Variants in EYA1 observed in about 807,000 individuals in gnomAD.
EYA1 encodes EYA transcriptional coactivator and phosphatase 1, also known as protein phosphatase EYA1.
In EYA1, 16 loss-of-function variants were observed where a neutral mutation model predicts 82.0. That is an observed-to-expected ratio of 0.20 (90% confidence interval 0.13 to 0.30). The LOEUF (loss-of-function observed/expected upper bound fraction) is 0.30, where lower values mean the gene tolerates loss of function less well. Among genes scored for constraint, EYA1 ranks in the 10% least tolerant of loss-of-function variants. EYA1 has a pLI of 1.00. For synonymous variants in EYA1, 261 were observed against 264.4 expected (o/e 0.99, Z 0.12); for missense variants, 633 against 730.7 (o/e 0.87, Z 1.54).
intron 2 of EYA1, among the ~76,000 whole-genome samples, chr8:71,415,612 A>T (rs1830811221): frequency 6.6e-6 from 1 of 152,210 alleles, no homozygotes; most frequent in Admixed American, 6.5e-5. Context: ...CAACATATTT[A>T]CATGGAGCCT....
At chr8:71,448,515 T>C (rs190328102) in intron 2 of EYA1, among the ~76,000 whole-genome samples, 6 of 152,304 alleles carry the variant, frequency 3.9e-5, no homozygotes, top group East Asian at 1.9e-4. Context: ...AACTTACCCA[T>C]GGAGGGCTGG....
chr8:71,224,939 G>A (rs143815388), intron 12 of EYA1, among the ~76,000 whole-genome samples: 1 of 152,194 alleles, frequency 6.6e-6, no homozygotes, highest in Non-Finnish European at 1.5e-5. Context: ...AGAGGGAGAG[G>A]AGTAGTCAAG....
At chr8:71,516,544 A>G (rs578018565) in intron 2 of EYA1, among the ~76,000 whole-genome samples, 1 of 152,284 alleles carries the variant, frequency 6.6e-6, no homozygotes, top group African/African-American at 2.4e-5. Context: ...GTTCAAGATG[A>G]TCCTCAGCCA....
chr8:71,495,043 A>C (rs1322580385), intron 2 of EYA1, among the ~76,000 whole-genome samples: 1 of 152,108 alleles, frequency 6.6e-6, no homozygotes, highest in African/African-American at 2.4e-5. Flanking sequence ...ACTCAGGCAA[A>C]CCACCAACTC....
chr8:71,251,362 TG>T (rs1813726273), intron 11 of EYA1, among the ~76,000 whole-genome samples: 1 of 152,220 alleles, frequency 6.6e-6, no homozygotes, highest in Admixed American at 6.5e-5. Flanking sequence ...ATTCTTCTAG[TG>T]GAAGCCTTCT....
At chr8:71,223,735 C>T (rs1291491868) in intron 12 of EYA1, among the ~76,000 whole-genome samples, 1 of 152,230 alleles carries the variant, frequency 6.6e-6, no homozygotes, top group East Asian at 1.9e-4. Context: ...TCTGATCCAT[C>T]ATCATCTCTG....
chr8:71,484,705 C>T (rs1171638128), intron 2 of EYA1, among the ~76,000 whole-genome samples: 2 of 152,210 alleles, frequency 1.3e-5, no homozygotes, highest in Non-Finnish European at 2.9e-5. Flanking sequence ...GCTGGGAAAT[C>T]CTCTCCTAAT....
intron 2 of EYA1, among the ~76,000 whole-genome samples, chr8:71,379,886 C>T (rs1343676034): frequency 6.6e-6 from 1 of 152,178 alleles, no homozygotes; most frequent in African/African-American, 2.4e-5. Flanking sequence ...CAGATGTTGG[C>T]CTAATCAATA....
intron 12 of EYA1, among the ~76,000 whole-genome samples, chr8:71,228,097 G>A (rs1429957103): frequency 6.6e-6 from 1 of 152,090 alleles, no homozygotes; most frequent in Non-Finnish European, 1.5e-5. Context: ...TGCAGAACCG[G>A]ACATAGGCAC....
At chr8:71,335,828 T>C (rs1326872112) in intron 3 of EYA1, among the ~76,000 whole-genome samples, 1 of 151,952 alleles carries the variant, frequency 6.6e-6, no homozygotes, top group Non-Finnish European at 1.5e-5. Flanking sequence ...AAACCTAATA[T>C]AATGCCCCAT....
At position 71,356,524 on chromosome 8, in the gene EYA1, G is replaced by T; in HGVS notation, c.-54-13C>A. 6.4e-7 allele frequency: 1 copy of T among 1,563,552 alleles called. No individual in the cohort carries two copies. Among genetic ancestry groups the T allele is most frequent in the Non-Finnish European group, 8.7e-7 (1 of 1,153,336 alleles). On this transcript the variant is annotated splice_polypyrimidine_tract_variant and intron_variant, in intron 1 of 17. Transcript: ENST00000340726. ...GAGATGTTTGCACCTGTGATCAGGG[G>T]TAAAAAAATTAGAAGATGTTGTTAC... is the stretch of plus-strand genomic sequence containing the variant.
At chr8:71,519,108 T>C (rs1813201058) in intron 2 of EYA1, among the ~76,000 whole-genome samples, 1 of 152,160 alleles carries the variant, frequency 6.6e-6, no homozygotes, top group Non-Finnish European at 1.5e-5. Flanking sequence ...CCTATGACAA[T>C]GAATATTAAC....
At chr8:71,461,722 G>A (rs1326010624) in intron 2 of EYA1, among the ~76,000 whole-genome samples, 1 of 152,166 alleles carries the variant, frequency 6.6e-6, no homozygotes, top group African/African-American at 2.4e-5. Context: ...AGTGGAGGGT[G>A]AGCAAGATGA....
intron 3 of EYA1, among the ~76,000 whole-genome samples, chr8:71,350,099 T>C (rs1826155239): frequency 6.6e-6 from 1 of 152,198 alleles, no homozygotes; most frequent in Non-Finnish European, 1.5e-5. Flanking sequence ...TGTCCCTTAA[T>C]CTTCCAGAAA....
chr8:71,430,199 C>T (rs1805516159), intron 2 of EYA1, among the ~76,000 whole-genome samples: 1 of 152,172 alleles, frequency 6.6e-6, no homozygotes, highest in Non-Finnish European at 1.5e-5. Context: ...GACTTATGTG[C>T]CAACCACTCT....
intron 11 of EYA1, among the ~76,000 whole-genome samples, chr8:71,247,869 T>C (rs139232728): frequency 7.0e-4 from 106 of 152,282 alleles, no homozygotes; most frequent in African/African-American, 2.0e-3. Flanking sequence ...CATAACCATG[T>C]CAATGAATCT....
intron 2 of EYA1, among the ~76,000 whole-genome samples, chr8:71,439,027 G>C (rs1347116612): frequency 6.6e-6 from 1 of 152,112 alleles, no homozygotes; most frequent in Non-Finnish European, 1.5e-5. Flanking sequence ...CCATCAGGTA[G>C]CAAGGAGCAA....
chr8:71,547,884 C>G (rs1815793934), exon 1 of EYA1: 1 of 151,764 alleles, frequency 6.6e-6, no homozygotes, highest in African/African-American at 2.4e-5. Flanking sequence ...ACTGCGGCGA[C>G]GGGGGGCTGA....
chr8:71,208,784 C>T (rs1444443290), intron 17 of EYA1, among the ~76,000 whole-genome samples: 2 of 152,170 alleles, frequency 1.3e-5, no homozygotes, highest in Non-Finnish European at 2.9e-5. Flanking sequence ...TACTCTAGCC[C>T]TATCAATACT....
Sources: gnomAD v4.1 joint callset for allele counts (sites outside exome capture counted in the v4.1 genomes callset) on GRCh38, gnomAD v4.1.1 for gene constraint, MANE v1.5 for transcripts, NCBI Gene and HGNC (gene_info 2026-07-23, HGNC 2026-07-21) for gene names.